Variants in GRID2IP observed in about 807,000 individuals in gnomAD.
The protein encoded by GRID2IP is Grid2 interacting protein, also known as delphilin.
GRID2IP carries 78 observed loss-of-function variants against 114.3 expected under a neutral mutation model. That is an observed-to-expected ratio of 0.68 (90% confidence interval 0.57 to 0.82). The LOEUF (loss-of-function observed/expected upper bound fraction) is 0.82. Ranked by LOEUF, GRID2IP falls within the 40% of genes least tolerant of loss-of-function variation. The pLI, the probability that GRID2IP is intolerant of heterozygous loss-of-function variation, is 0.00. For missense variants in GRID2IP, 1,727 were observed against 1,678.5 expected (o/e 1.03, Z -0.51); for synonymous variants, 809 against 724.0 (o/e 1.12, Z -1.89).
rs749670932 is a variant in GRID2IP at position 6,519,711 on chromosome 7, C to T, written c.1268+867G>A. On this transcript the variant is annotated intron_variant, in intron 7 of 21. Coordinates refer to ENST00000457091, the MANE Select transcript of GRID2IP (RefSeq NM_001145118.2). The surrounding 1 kb of genome is among the most constrained non-coding windows in gnomAD (Gnocchi z 4.1). Reference sequence around the variant, plus strand: ...GGTGGGGGTTGCGGTGAGCCGAGATCGCACCACTGCACTCCAGCCTGGGCA... The same window carrying T: ...GGTGGGGGTTGCGGTGAGCCGAGATTGCACCACTGCACTCCAGCCTGGGCA... 2.0e-5 allele frequency among the ~76,000 whole-genome samples: 3 copies of T among 151,758 alleles called. No homozygotes were observed. Among genetic ancestry groups the T allele is most frequent in the Non-Finnish European group, 2.9e-5 (2 of 67,982 alleles).
rs552935834 is a variant in GRID2IP, at chr7:6,532,885, G to A, written c.585-6116C>T. Reference sequence around the variant, plus strand: ...AGCCAGGTCTCCGTGGGCACAGTGGGGCCAGCTGCTCATGCCTGTGGCCAG... The same window carrying A: ...AGCCAGGTCTCCGTGGGCACAGTGGAGCCAGCTGCTCATGCCTGTGGCCAG... On this transcript the variant is annotated intron_variant, in intron 2 of 21. Transcript: ENST00000457091. This position sits in a 1 kb window ranked among gnomAD's most constrained non-coding sequence, Gnocchi z 4.4. 6.6e-6 allele frequency among the ~76,000 whole-genome samples: 1 copy of A among 152,194 alleles called. No individual in the cohort carries two copies. Among genetic ancestry groups the A allele is most frequent in the African/African-American group, 2.4e-5 (1 of 41,432 alleles).
chr7:6,539,949 C>T, intron 1 of GRID2IP, 77 bp from the exon 2 acceptor site: 1 of 1,374,382 alleles, frequency 7.3e-7, no homozygotes, highest in Non-Finnish European at 9.9e-7. Flanking sequence ...TCCTTCCTTT[C>T]CTCCCTCAGT....
At position 6,551,411 on chromosome 7, in the gene GRID2IP, G is replaced by T. The variant is rs1382748677; in HGVS notation, c.26C>A (p.Thr9Lys). The T allele has an allele frequency of 1.3e-6, 2 of 1,544,740 alleles. No individual in the cohort carries two copies. Among genetic ancestry groups the T allele is most frequent in the East Asian group, 2.5e-5 (1 of 40,456 alleles). The change falls in exon 1 of 22, where the codon ACG (threonine) becomes AAG (lysine). Residue 9 changes from threonine to lysine, a missense_variant. Physicochemically the swap from Thr to Lys is moderately conservative, Grantham distance 78. Transcript: ENST00000457091. ...AAAGTCCTCTGGCCAGCCCTGGTTC[G>T]TGGCCGGCGTGGCAGTGGTGGCCAT... is the stretch of plus-strand genomic sequence containing the variant. MATTATPATNQGWPEDFGF... is the reference protein window; with the variant it reads MATTATPAKNQGWPEDFGF...
chr7:6,535,146 A>G (rs1779702068), intron 2 of GRID2IP, among the ~76,000 whole-genome samples: 1 of 152,042 alleles, frequency 6.6e-6, no homozygotes, highest in Non-Finnish European at 1.5e-5. Context: ...CGGCCTCCCA[A>G]AGTGCTGGGA....
Position 6,497,752 on chromosome 7 carries a change from A to AGAGGACGCAT in GRID2IP, c.*21_*22insATGCGTCCTC. On this transcript the variant is annotated 3_prime_UTR_variant, in exon 22 of 22. Coordinates refer to ENST00000457091, the MANE Select transcript of GRID2IP (RefSeq NM_001145118.2). Reference sequence around the variant, plus strand: ...GCCTCCATCTCCCTGCTCAGGCCGCAGAGGACGCGGTGTGGCCACTGTCAC... The same window carrying AGAGGACGCAT: ...GCCTCCATCTCCCTGCTCAGGCCGCAGAGGACGCATGAGGACGCGGTGTGGCCACTGTCAC... 1 of 1,538,698 alleles carries AGAGGACGCAT rather than the reference A, an allele frequency of 6.5e-7. No homozygotes were observed. Among genetic ancestry groups the AGAGGACGCAT allele is most frequent in the Non-Finnish European group, 8.8e-7 (1 of 1,137,806 alleles).
rs991958055 is a variant in GRID2IP at position 6,514,509 on chromosome 7, A to G, written c.1289T>C (p.Val430Ala). The change falls in exon 8 of 22, where the codon GTT becomes GCT. Residue 430 changes from valine to alanine, a missense_variant. By Grantham distance (64) the Val-to-Ala change is moderately conservative (BLOSUM62 0). Transcript: ENST00000457091. ...FQHRNIDTLI[V>A]DVYPVLDTPA... is the part of the protein sequence containing the mutation. Reference sequence around the variant, plus strand: ...GGTGTCCAGCACAGGGTAGACGTCAACGATGAGGGTGTCGATGTTCCTGGG... The same window carrying G: ...GGTGTCCAGCACAGGGTAGACGTCAGCGATGAGGGTGTCGATGTTCCTGGG... 1.7e-5 allele frequency: 26 copies of G among 1,532,272 alleles called. No individual in the cohort carries two copies. Among genetic ancestry groups the G allele is most frequent in the Non-Finnish European group, 2.2e-5 (25 of 1,136,894 alleles). 94.9% of individuals were successfully genotyped at this position (1,532,272 alleles called of 1,614,324 possible).
intron 14 of GRID2IP, among the ~76,000 whole-genome samples, chr7:6,505,177 G>A (rs1267821098): frequency 6.6e-6 from 1 of 152,148 alleles, no homozygotes; most frequent in Non-Finnish European, 1.5e-5. Context: ...GAGGGCAAGA[G>A]AGCCTGGAAG....
chr7:6,531,153 G>A (rs1312951077), intron 2 of GRID2IP: 2 of 500,332 alleles, frequency 4.0e-6, no homozygotes, highest in Non-Finnish European at 7.1e-6. Context: ...GGGGGTAGCC[G>A]AGCCCAGGAA....
At chr7:6,538,760 A>G (rs1481290072) in intron 2 of GRID2IP, among the ~76,000 whole-genome samples, 1 of 151,924 alleles carries the variant, frequency 6.6e-6, no homozygotes, top group East Asian at 1.9e-4. Flanking sequence ...TGTAGTCTCA[A>G]CTACTCGGGA....
chr7:6,539,784 T>C lies in GRID2IP; in HGVS notation c.518A>G (p.Asp173Gly), dbSNP rs900833965. Residue 173 changes from aspartate to glycine, a missense_variant, in exon 2 of 22, where the codon GAT becomes GGT. Physicochemically the swap from Asp to Gly is moderately conservative, Grantham distance 94 (BLOSUM62 -1). Coordinates refer to ENST00000457091, the MANE Select transcript of GRID2IP (RefSeq NM_001145118.2). ...KQFAAEQRVD[D>G]LVWTLTLALP... ...CGCCAGGGTGAGAGTCCACACCAGA[T>C]CATCCACCCGCTGCTCAGCTGCAAA... The C allele has an allele frequency of 3.9e-6, 6 of 1,550,570 alleles. No homozygotes were observed. Among genetic ancestry groups the C allele is most frequent in the Non-Finnish European group, 5.2e-6 (6 of 1,146,926 alleles).
rs1340512205 is a variant in GRID2IP at position 6,509,036 on chromosome 7, C to T, written c.2049G>A (p.Leu683=). The stretch of plus-strand genomic sequence containing the variant: ...GGCCCAGCTGCTCGCTCAGCACGTC[C>T]AGGAAGCGGTCAGTATCGCGGCTTC... ...PVRSRDTDRF[L]DVLSEQLGPR... The change falls in exon 12 of 22, where the codon CTG becomes CTA. Residue 683 remains leucine, a synonymous_variant. Transcript: ENST00000457091. The surrounding 1 kb of genome is among the most constrained non-coding windows in gnomAD (Gnocchi z 4.9). The T allele has an allele frequency of 3.9e-6, 6 of 1,545,852 alleles. No individual in the cohort carries two copies. Among genetic ancestry groups the T allele is most frequent in the Non-Finnish European group, 4.4e-6 (5 of 1,146,250 alleles).
Position 6,526,902 on chromosome 7 carries a change from G to A in GRID2IP, c.585-133C>T. ...CTTCCTAGGAGTGGCGGAGGGCTGG[G>A]GGGATCGGGATGAGCAGCCGGTAGC... On this transcript the variant is annotated intron_variant, in intron 2 of 21. Coordinates refer to ENST00000457091, the MANE Select transcript of GRID2IP (RefSeq NM_001145118.2). The surrounding 1 kb of genome is among the most constrained non-coding windows in gnomAD (Gnocchi z 7.6). 1 of 1,086,364 alleles carries A rather than the reference G, an allele frequency of 9.2e-7. No homozygotes were observed. The highest frequency in any genetic ancestry group is 1.2e-6 in the Non-Finnish European group (1 of 820,418). 67.3% of individuals were successfully genotyped at this position (1,086,364 alleles called of 1,614,324 possible).
rs150447156 is a variant in GRID2IP, at chr7:6,551,293, C to T, written c.144G>A (p.Gln48=). Residue 48 remains glutamine (Q), a synonymous_variant, in exon 1 of 22, where the codon CAG becomes CAA. Coordinates refer to ENST00000457091, the MANE Select transcript of GRID2IP (RefSeq NM_001145118.2). ...AHAGGLRPGD[Q]ILEVEGLAVG... ...CCGCCAGCCCCTCCACCTCCAGGAT[C>T]TGGTCTCCTGGCCGCAGTCCTCCGG... 18,317 of 1,542,216 alleles carry T rather than the reference C, an allele frequency of 0.012. 176 individuals carry two copies. The highest frequency in any genetic ancestry group is 0.037 in the Middle Eastern group (213 of 5,816).
At chr7:6,537,907 C>T (rs1318437536) in intron 2 of GRID2IP, among the ~76,000 whole-genome samples, 1 of 152,002 alleles carries the variant, frequency 6.6e-6, no homozygotes, top group Non-Finnish European at 1.5e-5. Context: ...TGACCCTGCT[C>T]GTGGTCCTGT....
intron 20 of GRID2IP, 36 bp downstream of exon 20, chr7:6,501,745 C>A (rs1305375200): frequency 1.4e-6 from 2 of 1,467,900 alleles, no homozygotes; most frequent in South Asian, 1.2e-5. Context: ...ACCCCAGGAT[C>A]CAGCCTGGTG....
At chr7:6,514,951 C>CAAAAA (rs537586098) in intron 7 of GRID2IP, among the ~76,000 whole-genome samples, 2 of 76,132 alleles carry the variant, frequency 2.6e-5, no homozygotes, top group Non-Finnish European at 2.8e-5. Context: ...GACTCCAACT[C>CAAAAA]AAAAAAAAAA....
chr7:6,524,122 C>A (rs992617177), intron 4 of GRID2IP, among the ~76,000 whole-genome samples: 2 of 152,146 alleles, frequency 1.3e-5, no homozygotes, highest in African/African-American at 4.8e-5. Context: ...AAGTGCTCTT[C>A]CAGGGCTGGG....
intron 1 of GRID2IP, among the ~76,000 whole-genome samples, chr7:6,545,856 G>C (rs1194343412): frequency 6.6e-6 from 1 of 152,170 alleles, no homozygotes; most frequent in African/African-American, 2.4e-5. Context: ...CCCTCCCCAC[G>C]CACGCGCCGT....
chr7:6,527,388 C>A (rs1349866913), intron 2 of GRID2IP, among the ~76,000 whole-genome samples: 1 of 152,202 alleles, frequency 6.6e-6, no homozygotes, highest in Non-Finnish European at 1.5e-5. Flanking sequence ...CTAAATGAGG[C>A]TCCGTACCCA....
Sources: allele counts gnomAD v4.1 joint callset (sites outside exome capture counted in the v4.1 genomes callset), GRCh38; gene constraint gnomAD v4.1.1; non-coding constraint Gnocchi (gnomAD v3.1); transcripts MANE v1.5; gene names NCBI Gene and HGNC (gene_info 2026-07-23, HGNC 2026-07-21).